Variants in ZNF469 observed in about 807,000 individuals in gnomAD.
ZNF469 encodes the protein zinc finger protein 469.
A neutral mutation model predicts 1.0 loss-of-function variants in ZNF469; 1 was observed. The ratio of observed to expected loss-of-function variants is 1.00; its 90% CI spans 0.35 to 4.73. The LOEUF is 4.73. Among genes scored for constraint, ZNF469 ranks in the 30% most tolerant of loss-of-function variants. ZNF469 has a pLI of 0.16. For missense variants in ZNF469, 6,100 were observed against 5,356.3 expected (o/e 1.14, Z -4.33); for synonymous variants, 2,703 against 2,363.4 (o/e 1.14, Z -4.17).
At position 88,428,656 on chromosome 16, in the gene ZNF469, G is replaced by A. The variant is rs959021561; in HGVS notation, c.1186G>A (p.Gly396Arg). 2 of 1,549,974 alleles carry A rather than the reference G, an allele frequency of 1.3e-6. No homozygotes were observed. The highest frequency in any genetic ancestry group is 1.4e-5 in the African/African-American group (1 of 73,026). Residue 396 changes from glycine (G) to arginine (R), a missense_variant, in exon 3 of 3, where the codon GGG becomes AGG. Transcript: ENST00000565624. ...CCAGGATGGGCTGGGGAGCACGAGA[G>A]GGCCCCCTAGCTCCCTACCCCAGAG... ...SAQDGLGSTR[G>R]PPSSLPQRHF...
At chr16:88,141,915 G>A in the ZNF469 span, among the ~76,000 whole-genome samples, 1 of 152,236 alleles carries the variant, frequency 6.6e-6, no homozygotes, top group Non-Finnish European at 1.5e-5. Flanking sequence ...AGAGCCGGTT[G>A]GGCTTCTGAC....
At chr16:88,399,099 G>A (rs180978415) in intron 1 of ZNF469, among the ~76,000 whole-genome samples, 96 of 152,362 alleles carry the variant, frequency 6.3e-4, no homozygotes, top group Middle Eastern at 3.4e-3. Flanking sequence ...TGATGTTGGC[G>A]CTTCGGCAGG....
chr16:88,411,398 G>A (rs1054176124), intron 1 of ZNF469, among the ~76,000 whole-genome samples: 1 of 151,930 alleles, frequency 6.6e-6, no homozygotes, highest in African/African-American at 2.4e-5. Flanking sequence ...GGGCAGCAGG[G>A]GCAAGGCCAG....
intron 1 of ZNF469, among the ~76,000 whole-genome samples, chr16:88,416,900 C>A (rs1905316627): frequency 6.6e-6 from 1 of 152,198 alleles, no homozygotes; most frequent in Non-Finnish European, 1.5e-5. Context: ...AGGGGCCTGT[C>A]CTGCGGTCGG....
the ZNF469 span, among the ~76,000 whole-genome samples, chr16:88,170,749 T>C: frequency 6.6e-6 from 1 of 152,220 alleles, no homozygotes; most frequent in Non-Finnish European, 1.5e-5. This position sits in a 1 kb window ranked among gnomAD's most constrained non-coding sequence, Gnocchi z 4.2. Flanking sequence ...CTCAATGTTG[T>C]ACTGATTTCC....
chr16:88,305,254 G>T, the ZNF469 span, among the ~76,000 whole-genome samples: 1 of 140,364 alleles, frequency 7.1e-6, no homozygotes, highest in African/African-American at 2.7e-5. Context: ...AGGCACACAC[G>T]CATGCACACC....
Position 88,429,747 on chromosome 16 carries a change from G to C in ZNF469, c.2277G>C (p.Arg759Ser). Residue 759 changes from arginine (R) to serine (S), a missense_variant, in exon 3 of 3, where the codon AGG (arginine) becomes AGC (serine). Arg to Ser is a moderately radical substitution (Grantham distance 110). Coordinates refer to ENST00000565624, the MANE Select transcript of ZNF469 (RefSeq NM_001367624.2). ...HRQFCGLLLA[R>S]AKDGHQRSPG... is the part of the protein sequence containing the mutation. ...AGTTCTGTGGCCTGCTCCTGGCCAGGGCCAAGGATGGCCACCAGCGGTCTC... is the reference window on the plus strand; with the variant it reads ...AGTTCTGTGGCCTGCTCCTGGCCAGCGCCAAGGATGGCCACCAGCGGTCTC... 6.5e-7 allele frequency: 1 copy of C among 1,544,526 alleles called. No individual in the cohort carries two copies. The highest frequency in any genetic ancestry group is 8.7e-7 in the Non-Finnish European group (1 of 1,144,750).
At chr16:88,279,515 C>T in the ZNF469 span, among the ~76,000 whole-genome samples, 2 of 146,282 alleles carry the variant, frequency 1.4e-5, no homozygotes, top group South Asian at 4.3e-4. Flanking sequence ...TAGTGCTGTG[C>T]CACACTGACA....
chr16:88,381,880 C>G (rs1048802906), upstream of ZNF469, among the ~76,000 whole-genome samples: 1 of 152,190 alleles, frequency 6.6e-6, no homozygotes, highest in South Asian at 2.1e-4. Flanking sequence ...AGGGGCAGGC[C>G]CACTCATTGG....
In ZNF469 at chr16:88,430,211, G is replaced by A. The variant is rs1017812959; in HGVS notation, c.2741G>A (p.Gly914Glu). 9.7e-6 allele frequency: 15 copies of A among 1,544,508 alleles called. No homozygotes were observed. Among genetic ancestry groups the A allele is most frequent in the Non-Finnish European group, 1.3e-5 (15 of 1,144,040 alleles). ...ATPDPQTPRP[G>E]DRGCPARGRP... ...CCGGACCCCCAAACCCCCCGCCCTGGGGACAGGGGCTGCCCAGCCCGAGGC... is the reference window on the plus strand; with the variant it reads ...CCGGACCCCCAAACCCCCCGCCCTGAGGACAGGGGCTGCCCAGCCCGAGGC... Residue 914 changes from glycine to glutamate, a missense_variant, in exon 3 of 3, where the codon GGG becomes GAG. Coordinates refer to ENST00000565624, the MANE Select transcript of ZNF469 (RefSeq NM_001367624.2).
At chr16:88,176,153 C>T in the ZNF469 span, among the ~76,000 whole-genome samples, 11 of 151,330 alleles carry the variant, frequency 7.3e-5, no homozygotes, top group South Asian at 2.1e-4. Context: ...CTGCACCCAC[C>T]GAAGCTCATA....
the ZNF469 span, among the ~76,000 whole-genome samples, chr16:88,187,840 T>G: frequency 6.6e-6 from 1 of 151,996 alleles, no homozygotes; most frequent in Non-Finnish European, 1.5e-5. Context: ...AGTTTCCCTG[T>G]TTATCTTGGA....
the ZNF469 span, among the ~76,000 whole-genome samples, chr16:88,244,660 G>C: frequency 1.8e-3 from 256 of 145,616 alleles, 1 homozygote; most frequent in African/African-American, 6.4e-3. Flanking sequence ...TGAATGCATG[G>C]ATTAGTAGAT....
At chr16:88,360,741 C>G in the ZNF469 span, among the ~76,000 whole-genome samples, 2 of 148,542 alleles carry the variant, frequency 1.3e-5, no homozygotes, top group Non-Finnish European at 3.0e-5. Context: ...CATGCTCCCT[C>G]AAAGGCAGTC....
intron 2 of ZNF469, among the ~76,000 whole-genome samples, chr16:88,426,937 G>T (rs148091228): frequency 3.3e-5 from 5 of 152,264 alleles, no homozygotes; most frequent in African/African-American, 1.2e-4. Context: ...ACGCTGCCAG[G>T]ACCCTGCCCT....
At chr16:88,196,893 G>A in the ZNF469 span, among the ~76,000 whole-genome samples, 1 of 152,176 alleles carries the variant, frequency 6.6e-6, no homozygotes, top group Non-Finnish European at 1.5e-5. Flanking sequence ...CCTGCTCTTT[G>A]GGGCATGAGG....
chr16:88,187,978 G>C, the ZNF469 span, among the ~76,000 whole-genome samples: 5 of 152,048 alleles, frequency 3.3e-5, no homozygotes, highest in South Asian at 1.0e-3. Context: ...GATGCATCCC[G>C]GGCCCTGTCT....
chr16:88,330,011 A>C, the ZNF469 span, among the ~76,000 whole-genome samples: 1 of 152,242 alleles, frequency 6.6e-6, no homozygotes. Context: ...GCAGCCAGTC[A>C]CAAAAGGCCA....
chr16:88,108,029 C>G, the ZNF469 span, among the ~76,000 whole-genome samples: 2 of 152,216 alleles, frequency 1.3e-5, no homozygotes, highest in Non-Finnish European at 2.9e-5. Flanking sequence ...GAGGTGGATG[C>G]AGGGTAGAGA....
Sources: allele counts gnomAD v4.1 joint callset (sites outside exome capture counted in the v4.1 genomes callset), GRCh38; gene constraint gnomAD v4.1.1; non-coding constraint Gnocchi (gnomAD v3.1); transcripts MANE v1.5; gene names NCBI Gene and HGNC (gene_info 2026-07-23, HGNC 2026-07-21).